Variants in PHF21A observed in about 807,000 individuals in gnomAD.
PHF21A encodes BHC80a.
A neutral mutation model predicts 82.5 loss-of-function variants in PHF21A; 11 were observed. That is an observed-to-expected ratio of 0.13 (90% confidence interval 0.08 to 0.22). PHF21A has a LOEUF of 0.22. PHF21A is among the 10% of genes least tolerant of loss of function. The pLI, the probability that PHF21A is intolerant of heterozygous loss-of-function variation, is 1.00. For synonymous variants in PHF21A, 297 were observed against 302.8 expected, an observed-to-expected ratio of 0.98 and a Z score of 0.20; for missense variants, 579 against 837.8, an observed-to-expected ratio of 0.69 and a Z score of 3.81.
At chr11:46,081,452 C>T (rs987126383) in intron 4 of PHF21A, among the ~76,000 whole-genome samples, 10 of 152,160 alleles carry the variant, frequency 6.6e-5, no homozygotes, top group Admixed American at 1.3e-4. Context: ...TACGCTGTAA[C>T]GTTTTAGAAG....
At chr11:46,080,663 C>T (rs2096780283) in intron 4 of PHF21A, among the ~76,000 whole-genome samples, 1 of 151,778 alleles carries the variant, frequency 6.6e-6, no homozygotes, top group African/African-American at 2.4e-5. Flanking sequence ...TGCTACTATT[C>T]TTTTTTTGTT....
intron 6 of PHF21A, among the ~76,000 whole-genome samples, chr11:45,986,872 T>C (rs1159276937): frequency 1.3e-5 from 2 of 152,228 alleles, no homozygotes. Context: ...ATTTTAATGC[T>C]AGTTCAATCT....
At chr11:45,957,344 G>GT (rs1215094038) in intron 10 of PHF21A, among the ~76,000 whole-genome samples, 2 of 152,136 alleles carry the variant, frequency 1.3e-5, no homozygotes, top group Non-Finnish European at 2.9e-5. Context: ...TTTTTATCAA[G>GT]TGTACATGAA....
At chr11:45,990,677 A>G (rs2094665009) in intron 6 of PHF21A, among the ~76,000 whole-genome samples, 1 of 151,214 alleles carries the variant, frequency 6.6e-6, no homozygotes, top group Admixed American at 6.6e-5. Context: ...TCAAAAGAGG[A>G]CACTACAATG....
Position 46,110,942 on chromosome 11 carries a change from C to T in PHF21A, c.-237+9993G>A, listed in dbSNP as rs575924838. 4.0e-5 allele frequency among the ~76,000 whole-genome samples: 6 copies of T among 151,834 alleles called. 1 individual carries two copies. In the South Asian group the frequency reaches 8.3e-4, roughly 21 times the overall value. ...CTGGGATTACAGGCACCTGCCACCA[C>T]GCCCAGCTAATTTTCTATTTTCAGT... On this transcript the variant is annotated intron_variant, in intron 1 of 18. Transcript: ENST00000676320.
intron 6 of PHF21A, among the ~76,000 whole-genome samples, chr11:45,995,504 A>G (rs944220543): frequency 2.0e-5 from 3 of 152,184 alleles, no homozygotes; most frequent in Non-Finnish European, 4.4e-5. Flanking sequence ...CGGGTTTATA[A>G]AAGATCAGAG....
In PHF21A at chr11:45,971,905, T is replaced by TTTTTTTTTTTTTTTTTTA. The variant is rs1452859819; in HGVS notation, c.361-539_361-538insTAAAAAAAAAAAAAAAAA. 1.6e-4 allele frequency among the ~76,000 whole-genome samples: 14 copies of TTTTTTTTTTTTTTTTTTA among 89,940 alleles called. 4 individuals are homozygous for TTTTTTTTTTTTTTTTTTA. Among genetic ancestry groups the TTTTTTTTTTTTTTTTTTA allele is most frequent in the African/African-American group, 4.2e-4 (10 of 24,010 alleles). The allele number at this position is 89,940 out of a possible 152,430, so 59.0% of individuals were successfully genotyped here. ...CTTTTTCTTTCTTTTTTTTTTTTTT[T>TTTTTTTTTTTTTTTTTTA]ATGGTGTCACCCTGGAGAGAAGGAA... On this transcript the variant is annotated intron_variant, in intron 7 of 18. Coordinates refer to ENST00000676320, the MANE Select transcript of PHF21A (RefSeq NM_001352027.3).
intron 1 of PHF21A, chr11:46,118,870 A>T (rs1852151651): frequency 6.6e-6 from 1 of 152,234 alleles, no homozygotes; most frequent in African/African-American, 2.4e-5. Context: ...CCAAAAGCAA[A>T]GCTGACCTAT....
intron 1 of PHF21A, among the ~76,000 whole-genome samples, chr11:46,094,063 G>C (rs2096960760): frequency 6.6e-6 from 1 of 152,136 alleles, no homozygotes; most frequent in African/African-American, 2.4e-5. Flanking sequence ...AATCAACACA[G>C]GCTTATACCC....
At chr11:45,937,030 A>G (rs2089243306) in intron 16 of PHF21A, among the ~76,000 whole-genome samples, 1 of 152,228 alleles carries the variant, frequency 6.6e-6, no homozygotes, top group African/African-American at 2.4e-5. Flanking sequence ...TCCAAATACT[A>G]AAGTATAATC....
chr11:45,959,367 T>C (rs1416917459), intron 10 of PHF21A, among the ~76,000 whole-genome samples: 1 of 152,168 alleles, frequency 6.6e-6, no homozygotes, highest in African/African-American at 2.4e-5. Flanking sequence ...TATCTATTCA[T>C]AAAAACACTC....
At chr11:46,034,025 T>C (rs1056654234) in intron 6 of PHF21A, among the ~76,000 whole-genome samples, 8 of 152,220 alleles carry the variant, frequency 5.3e-5, no homozygotes, top group African/African-American at 1.9e-4. Flanking sequence ...TGCCAATGAT[T>C]GTTGTTGGAT....
chr11:45,930,530 A>G lies in PHF21A; in HGVS notation c.*3438T>C. ...CCCAGAGGAGCTCAGCACAGGTGAGACAAGACCCAGCAGGCTCCATGAAAG... is the reference window on the plus strand; with the variant it reads ...CCCAGAGGAGCTCAGCACAGGTGAGGCAAGACCCAGCAGGCTCCATGAAAG... On this transcript the variant is annotated 3_prime_UTR_variant, in exon 19 of 19. Transcript: ENST00000676320. 6.5e-6 allele frequency: 1 copy of G among 152,908 alleles called. No individual in the cohort carries two copies. The highest frequency in any genetic ancestry group is 1.5e-5 in the Non-Finnish European group (1 of 68,464). 9.5% of individuals were successfully genotyped at this position (152,908 alleles called of 1,614,324 possible). A position where few individuals can be genotyped will look rare whatever the true frequency, so the allele number is the denominator to read the frequency against.
chr11:46,002,359 T>C (rs2095159323), intron 6 of PHF21A, among the ~76,000 whole-genome samples: 1 of 152,218 alleles, frequency 6.6e-6, no homozygotes, highest in South Asian at 2.1e-4. Flanking sequence ...ATTTGTGGAA[T>C]GGCTAATGCT....
intron 6 of PHF21A, among the ~76,000 whole-genome samples, chr11:46,048,304 T>C (rs1448892730): frequency 2.0e-5 from 3 of 152,240 alleles, no homozygotes; most frequent in Admixed American, 6.5e-5. Context: ...GTTTTTAAGA[T>C]TCATCCATGT....
At chr11:46,086,394 C>T (rs759316955) in intron 3 of PHF21A, among the ~76,000 whole-genome samples, 5 of 152,208 alleles carry the variant, frequency 3.3e-5, no homozygotes, top group Non-Finnish European at 7.4e-5. Context: ...GCTGGGATTA[C>T]AGGCATGAGC....
intron 1 of PHF21A, among the ~76,000 whole-genome samples, chr11:46,104,121 T>A (rs1053503601): frequency 2.0e-5 from 3 of 152,108 alleles, no homozygotes; most frequent in African/African-American, 7.2e-5. Flanking sequence ...AAAGGCAAAA[T>A]GCCCAAAATC....
At chr11:46,113,634 C>G (rs2097251457) in intron 1 of PHF21A, among the ~76,000 whole-genome samples, 1 of 151,888 alleles carries the variant, frequency 6.6e-6, no homozygotes, top group Non-Finnish European at 1.5e-5. Flanking sequence ...TCGAGACCAT[C>G]CTGGCCAACA....
At chr11:46,037,733 G>A (rs893068617) in intron 6 of PHF21A, among the ~76,000 whole-genome samples, 61 of 151,042 alleles carry the variant, frequency 4.0e-4, no homozygotes, top group African/African-American at 1.4e-3. Context: ...TTATTGAGAA[G>A]TTTGTGGGAT....
Sources: allele counts gnomAD v4.1 joint callset (sites outside exome capture counted in the v4.1 genomes callset), GRCh38; gene constraint gnomAD v4.1.1; transcripts MANE v1.5; gene names NCBI Gene and HGNC (gene_info 2026-07-23, HGNC 2026-07-21).